Variants in CCDC102B observed in about 807,000 individuals in gnomAD.
The protein encoded by CCDC102B is coiled-coil domain-containing protein 102B.
Under a neutral mutation model 57.4 loss-of-function variants are expected in CCDC102B, and 75 were observed. The ratio of observed to expected loss-of-function variants is 1.31; its 90% confidence interval spans 1.08 to 1.58. The LOEUF (loss-of-function observed/expected upper bound fraction) is 1.58, where lower values mean the gene tolerates loss of function less well. Among genes scored for constraint, CCDC102B ranks in the 40% most tolerant of loss-of-function variants. CCDC102B has a pLI of 0.00. For synonymous variants in CCDC102B, 206 were observed against 201.9 expected (o/e 1.02, Z -0.17); for missense variants, 636 against 582.6 (o/e 1.09, Z -0.94).
intron 6 of CCDC102B, among the ~76,000 whole-genome samples, chr18:68,928,793 G>C (rs1010695935): frequency 6.6e-6 from 1 of 151,862 alleles, no homozygotes; most frequent in African/African-American, 2.4e-5. Flanking sequence ...TTTAAGTAGA[G>C]GAAAACTGCT....
At chr18:68,945,279 G>C (rs189939129) in intron 6 of CCDC102B, among the ~76,000 whole-genome samples, 2 of 152,122 alleles carry the variant, frequency 1.3e-5, no homozygotes, top group African/African-American at 4.8e-5. Context: ...AAGACACTCA[G>C]TAACTACTGA....
intron 1 of CCDC102B, among the ~76,000 whole-genome samples, chr18:68,799,257 G>C (rs2035756790): frequency 6.6e-6 from 1 of 152,094 alleles, no homozygotes; most frequent in Non-Finnish European, 1.5e-5. Flanking sequence ...GTGTAGGTTT[G>C]TGTGACCTAT....
At position 68,741,971 on chromosome 18, in the gene CCDC102B, G is replaced by T. The variant is rs114637720; in HGVS notation, c.-67+25377G>T. ...TACAGAGTAGGAGGAAAACGGAGAC[G>T]TGAGGGTTCAAACCTGTGTGTGGTC... is the stretch of plus-strand genomic sequence containing the variant. On this transcript the variant is annotated intron_variant, in intron 2 of 3. Coordinates refer to the CCDC102B transcript ENST00000578970. 2.0e-3 allele frequency among the ~76,000 whole-genome samples: 309 copies of T among 152,302 alleles called. 4 individuals are homozygous for T. The highest frequency in any genetic ancestry group is 7.0e-3 in the African/African-American group (291 of 41,566).
At chr18:68,725,912 C>G (rs2032572628) in intron 2 of CCDC102B, among the ~76,000 whole-genome samples, 1 of 152,094 alleles carries the variant, frequency 6.6e-6, no homozygotes, top group Non-Finnish European at 1.5e-5. Flanking sequence ...TGACCAAATT[C>G]CTGTGGGGGA....
At chr18:68,778,488 C>G (rs1391333724) in intron 2 of CCDC102B, among the ~76,000 whole-genome samples, 1 of 152,028 alleles carries the variant, frequency 6.6e-6, no homozygotes, top group Non-Finnish European at 1.5e-5. Flanking sequence ...GCAGATATTG[C>G]TGATTCAGAG....
intron 7 of CCDC102B, among the ~76,000 whole-genome samples, chr18:69,017,376 C>T (rs142060333): frequency 1.2e-4 from 18 of 152,112 alleles, no homozygotes; most frequent in African/African-American, 3.9e-4. Flanking sequence ...CCACCAGCCT[C>T]GAGCTTCCCA....
intron 2 of CCDC102B, chr18:68,717,960 G>T (rs545196574): frequency 6.6e-6 from 1 of 152,214 alleles, no homozygotes; most frequent in Non-Finnish European, 1.5e-5. Context: ...TTATAAAAGA[G>T]ATTGAAGGGA....
At chr18:68,724,716 A>G (rs2032513610) in intron 2 of CCDC102B, among the ~76,000 whole-genome samples, 1 of 152,162 alleles carries the variant, frequency 6.6e-6, no homozygotes, top group South Asian at 2.1e-4. Context: ...ACTTTCCCAC[A>G]TCTTCCTGTC....
At chr18:68,856,728 A>C (rs1286323596) in intron 4 of CCDC102B, among the ~76,000 whole-genome samples, 1 of 152,102 alleles carries the variant, frequency 6.6e-6, no homozygotes, top group African/African-American at 2.4e-5. Context: ...TGATAAATTA[A>C]AATGGTATCA....
At chr18:68,785,216 C>T (rs1364143167) in intron 2 of CCDC102B, among the ~76,000 whole-genome samples, 4 of 151,982 alleles carry the variant, frequency 2.6e-5, no homozygotes, top group African/African-American at 4.8e-5. Flanking sequence ...TTTTCTTAAT[C>T]CAGTCTATCA....
At chr18:68,856,303 T>C (rs2038383404) in intron 4 of CCDC102B, among the ~76,000 whole-genome samples, 1 of 152,150 alleles carries the variant, frequency 6.6e-6, no homozygotes, top group South Asian at 2.1e-4. Context: ...TTTTTTCTTC[T>C]CTTAAGACAC....
intron 6 of CCDC102B, among the ~76,000 whole-genome samples, chr18:69,004,233 A>C (rs9789236): frequency 0.86 from 130,142 of 152,028 alleles, 57,714 homozygotes; most frequent in Non-Finnish European, 0.97. Flanking sequence ...AGATATCAAC[A>C]TGCAGGAAGT....
At chr18:69,018,159 T>C (rs1349539891) in intron 7 of CCDC102B, among the ~76,000 whole-genome samples, 2 of 152,242 alleles carry the variant, frequency 1.3e-5, no homozygotes, top group Non-Finnish European at 2.9e-5. Context: ...TGTGAACATG[T>C]TGCAATGAAC....
intron 3 of CCDC102B, among the ~76,000 whole-genome samples, chr18:68,844,153 T>C (rs150355716): frequency 1.2e-4 from 19 of 152,056 alleles, no homozygotes; most frequent in African/African-American, 4.3e-4. Flanking sequence ...ATTACTTTCT[T>C]TGAAAATTTT....
intron 2 of CCDC102B, among the ~76,000 whole-genome samples, chr18:68,775,350 A>T (rs1397301997): frequency 4.6e-5 from 7 of 152,080 alleles, no homozygotes; most frequent in Admixed American, 4.6e-4. Context: ...CTTTTATTAT[A>T]TAAGGTCATT....
intron 6 of CCDC102B, among the ~76,000 whole-genome samples, chr18:69,003,342 A>G (rs2145366703): frequency 1.3e-5 from 2 of 152,186 alleles, no homozygotes; most frequent in Admixed American, 6.5e-5. Context: ...TCTCTTTATC[A>G]TGTTTTCCCC....
chr18:68,993,626 A>T (rs1054366626), intron 6 of CCDC102B, among the ~76,000 whole-genome samples: 2 of 152,348 alleles, frequency 1.3e-5, no homozygotes, highest in Admixed American at 6.5e-5. Context: ...GACACTAAAA[A>T]TATTTTACAG....
chr18:68,828,980 T>C (rs1446776202), intron 1 of CCDC102B, among the ~76,000 whole-genome samples: 1 of 151,938 alleles, frequency 6.6e-6, no homozygotes, highest in East Asian at 1.9e-4. Context: ...ACTTTTGAAG[T>C]CTGGGTGAAA....
intron 6 of CCDC102B, among the ~76,000 whole-genome samples, chr18:68,958,501 G>A (rs1438639555): frequency 1.3e-5 from 2 of 152,002 alleles, no homozygotes; most frequent in African/African-American, 4.8e-5. Context: ...CAGATAGCTA[G>A]TATTATGGTG....
Sources: allele counts gnomAD v4.1 joint callset (sites outside exome capture counted in the v4.1 genomes callset), GRCh38; gene constraint gnomAD v4.1.1; transcripts MANE v1.5; gene names NCBI Gene and HGNC (gene_info 2026-07-23, HGNC 2026-07-21).